Variants in RAD52 observed in about 807,000 individuals in gnomAD.
RAD52 encodes RAD52 DNA repair protein, also known as DNA repair protein RAD52 homolog.
In RAD52, 47 loss-of-function variants were observed where a neutral mutation model predicts 55.5. The ratio of observed to expected loss-of-function variants is 0.85; its 90% CI spans 0.67 to 1.08. RAD52 has a LOEUF of 1.08. Ranked by LOEUF, RAD52 falls within the 50% of genes least tolerant of loss-of-function variation. The pLI, the probability that RAD52 is intolerant of heterozygous loss-of-function variation, is 0.00. For synonymous variants in RAD52, 184 were observed against 198.9 expected, an observed-to-expected ratio of 0.92 and a Z score of 0.63; for missense variants, 468 against 522.8, an observed-to-expected ratio of 0.90 and a Z score of 1.02.
chr12:925,788 A>C (rs773992249), intron 6 of RAD52, among the ~76,000 whole-genome samples: 15 of 152,094 alleles, frequency 9.9e-5, no homozygotes, highest in African/African-American at 1.2e-4. Context: ...GGCGCCATTC[A>C]CAAAACCCAC....
chr12:947,531 C>A (rs1176727973), intron 1 of RAD52, among the ~76,000 whole-genome samples: 1 of 143,338 alleles, frequency 7.0e-6, no homozygotes, highest in East Asian at 2.0e-4. Flanking sequence ...CGCCTGTAAG[C>A]CCAGTTACCG....
intron 1 of RAD52, among the ~76,000 whole-genome samples, chr12:946,005 A>G (rs976012316): frequency 1.1e-4 from 17 of 151,936 alleles, no homozygotes; most frequent in African/African-American, 3.9e-4. Context: ...CCTGGGCGAC[A>G]AGAGTGAAAC....
rs142826878 is a variant in RAD52 at position 912,235 on chromosome 12, A to C, written c.*1156T>G. On this transcript the variant is annotated 3_prime_UTR_variant, in exon 12 of 12. Coordinates refer to ENST00000358495, the MANE Select transcript of RAD52 (RefSeq NM_134424.4). ...CACTGACGTGATGCCAGAAGTGGAAAATTCCACACGTGACCTCGTGTGACA... is the reference window on the plus strand; with the variant it reads ...CACTGACGTGATGCCAGAAGTGGAACATTCCACACGTGACCTCGTGTGACA... 4.6e-5 allele frequency: 9 copies of C among 196,488 alleles called. No homozygotes were observed. The highest frequency in any genetic ancestry group is 2.1e-4 in the African/African-American group (9 of 43,300). The allele number at this position is 196,488 out of a possible 1,614,324, so 12.2% of individuals were successfully genotyped here. A position where few individuals can be genotyped will look rare whatever the true frequency, so the allele number is the denominator to read the frequency against.
intron 5 of RAD52, among the ~76,000 whole-genome samples, chr12:929,062 C>T (rs1477298605): frequency 3.3e-5 from 5 of 152,010 alleles, no homozygotes; most frequent in Admixed American, 1.3e-4. Flanking sequence ...GACGGGCTTT[C>T]GCTATGTTGC....
Position 914,466 on chromosome 12 carries a change from T to C in RAD52, c.932A>G (p.Lys311Arg), listed in dbSNP as rs1956249723. The stretch of plus-strand genomic sequence containing the variant: ...TTGAGTCACTCCTGCAAGGAAGTCT[T>C]TCTCCAGGAGTGGTTCTGAGACAGT... ...PVTVSEPLLE[K>R]DFLAGVTQEL... Residue 311 changes from lysine (K) to arginine (R), a missense_variant, in exon 10 of 12, where the codon AAA becomes AGA. Transcript: ENST00000358495. The C allele has an allele frequency of 6.2e-7, 1 of 1,613,710 alleles. No individual in the cohort carries two copies. The highest frequency in any genetic ancestry group is 2.2e-5 in the East Asian group (1 of 44,880).
At chr12:914,350 AT>A in intron 10 of RAD52, 80 bp downstream of exon 10, 3 of 1,565,252 alleles carry the variant, frequency 1.9e-6, no homozygotes, top group Admixed American at 2.0e-5. Context: ...GAAAATGAGG[AT>A]TTTTATGTCG....
At chr12:981,771 TAAATA>T (rs59388253) in intron 1 of RAD52, among the ~76,000 whole-genome samples, 101 of 139,696 alleles carry the variant, frequency 7.2e-4, no homozygotes, top group East Asian at 3.8e-3. Flanking sequence ...AATAAATAAA[TAAATA>T]AAATAAAATA....
chr12:977,682 A>G (rs1354599409), intron 1 of RAD52, among the ~76,000 whole-genome samples: 2 of 152,250 alleles, frequency 1.3e-5, no homozygotes, highest in Non-Finnish European at 2.9e-5. Context: ...ACAGGGAAAG[A>G]AAGCAGACAA....
intron 3 of RAD52, 130 bp from the exon 4 acceptor site, chr12:930,274 G>C: frequency 1.3e-6 from 1 of 771,440 alleles, no homozygotes; most frequent in Non-Finnish European, 2.1e-6. Flanking sequence ...TTCTTCTCGG[G>C]AGGCTGAGGT....
chr12:980,045 T>C (rs1321599901), intron 1 of RAD52, among the ~76,000 whole-genome samples: 1 of 151,552 alleles, frequency 6.6e-6, no homozygotes, highest in Non-Finnish European at 1.5e-5. Context: ...GAAAATTTGC[T>C]GGGCGTGGTG....
At chr12:979,760 G>C (rs1958986026) in intron 1 of RAD52, among the ~76,000 whole-genome samples, 1 of 152,128 alleles carries the variant, frequency 6.6e-6, no homozygotes, top group Non-Finnish European at 1.5e-5. Context: ...TATTATGGCA[G>C]CTCTTGGCCG....
At chr12:925,043 C>T (rs1031717125) in intron 7 of RAD52, among the ~76,000 whole-genome samples, 13 of 151,646 alleles carry the variant, frequency 8.6e-5, no homozygotes, top group Admixed American at 2.6e-4. Flanking sequence ...CTCTGCCTCC[C>T]GGGTTCACGC....
chr12:975,368 T>A (rs576363110), intron 1 of RAD52: 5 of 152,252 alleles, frequency 3.3e-5, no homozygotes, highest in East Asian at 3.9e-4. Flanking sequence ...AAACTTCAAA[T>A]GCAGAAGGTA....
At chr12:930,360 C>T (rs1316087264) in intron 3 of RAD52, among the ~76,000 whole-genome samples, 1 of 151,506 alleles carries the variant, frequency 6.6e-6, no homozygotes, top group Non-Finnish European at 1.5e-5. Flanking sequence ...GCCTAAGTGA[C>T]AGAGTGAGAA....
intron 1 of RAD52, among the ~76,000 whole-genome samples, chr12:980,622 G>A (rs1158924677): frequency 6.9e-6 from 1 of 145,036 alleles, no homozygotes; most frequent in Non-Finnish European, 1.5e-5. Flanking sequence ...TTTTTTCTGA[G>A]ACAGAGTCTT....
upstream of RAD52, chr12:990,707 C>T (rs934317795): frequency 6.6e-6 from 1 of 152,178 alleles, no homozygotes; most frequent in African/African-American, 2.4e-5. Flanking sequence ...GACAAAGCGT[C>T]CCCCCAGCAG....
intron 9 of RAD52, among the ~76,000 whole-genome samples, chr12:915,086 AT>A (rs1241239353): frequency 1.3e-5 from 2 of 152,186 alleles, no homozygotes; most frequent in African/African-American, 2.4e-5. Flanking sequence ...GTGAACCCTG[AT>A]CCCGCCACTG....
At position 966,572 on chromosome 12, in the gene RAD52, T is replaced by A. The variant is rs563941752; in HGVS notation, c.-19+23237A>T. ...TGGTTTTCTGTTTGTTTTCGCCTTC[T>A]ATTGGCTTTTTTTTTTCCATTCCTG... On this transcript the variant is annotated intron_variant, in intron 1 of 11. Transcript: ENST00000430095. 6.6e-5 allele frequency among the ~76,000 whole-genome samples: 10 copies of A among 152,218 alleles called. No individual in the cohort carries two copies. In the East Asian group the frequency reaches 1.7e-3, roughly 26 times the overall value.
Position 916,791 on chromosome 12 carries a change from C to G in RAD52, c.573G>C (p.Ala191=). 8 of 1,612,022 alleles carry G rather than the reference C, an allele frequency of 5.0e-6. No individual in the cohort carries two copies. The highest frequency in any genetic ancestry group is 6.8e-6 in the Non-Finnish European group (8 of 1,178,284). The part of the protein sequence containing the change: ...QLPLEVDLTK[A]KRQDLEPSVE... The stretch of plus-strand genomic sequence containing the variant: ...CAGACGGTTCAAGATCTTGTCTCTT[C>G]GCTTTAGTTAAATCCACTTCAAGAG... Residue 191 remains alanine, a synonymous_variant, in exon 8 of 12, where the codon GCG becomes GCC. Transcript: ENST00000358495.
Sources: gnomAD v4.1 joint callset for allele counts (sites outside exome capture counted in the v4.1 genomes callset) on GRCh38, gnomAD v4.1.1 for gene constraint, MANE v1.5 for transcripts, NCBI Gene and HGNC (gene_info 2026-07-23, HGNC 2026-07-21) for gene names.